Variants in SHROOM4 observed in about 807,000 individuals in gnomAD.
SHROOM4 encodes protein Shroom4.
SHROOM4 carries 17 observed loss-of-function variants against 80.3 expected under a neutral mutation model. The observed-to-expected ratio is 0.21, with a 90% CI of 0.14 to 0.32. SHROOM4 has a LOEUF of 0.32. Among genes scored for constraint, SHROOM4 ranks in the 10% least tolerant of loss-of-function variants. The probability of loss-of-function intolerance (pLI) is 1.00; values close to 1 mark genes in which losing one functional copy is unlikely to be tolerated. For missense variants in SHROOM4, 993 were observed against 1,140.3 expected (o/e 0.87, Z 1.86); for synonymous variants, 400 against 437.5 (o/e 0.91, Z 1.07).
At chrX:50,645,235 C>T (rs1372824199) in intron 2 of SHROOM4, among the ~76,000 whole-genome samples, 1 of 111,858 alleles carries the variant, frequency 8.9e-6, no homozygotes, top group African/African-American at 3.3e-5. Flanking sequence ...TTCTGAGTGG[C>T]AATATACCAG....
chrX:50,697,636 G>A (rs1230063940), intron 1 of SHROOM4, among the ~76,000 whole-genome samples: 1 of 111,740 alleles, frequency 8.9e-6, no homozygotes, highest in Non-Finnish European at 1.9e-5. Flanking sequence ...AAGTGACATT[G>A]AATATATATG....
At chrX:50,804,555 T>G (rs1936189074) in intron 1 of SHROOM4, among the ~76,000 whole-genome samples, 1 of 111,998 alleles carries the variant, frequency 8.9e-6, no homozygotes. Context: ...AGAAAGAGCA[T>G]GGGATTTGAA....
At chrX:50,787,777 A>T (rs1935774771) in intron 1 of SHROOM4, among the ~76,000 whole-genome samples, 1 of 109,002 alleles carries the variant, frequency 9.2e-6, no homozygotes, top group African/African-American at 3.3e-5. Context: ...AAAAGAAAAA[A>T]AAAAAACCCA....
At chrX:50,647,531 G>C (rs782690743) in intron 2 of SHROOM4, among the ~76,000 whole-genome samples, 1 of 111,705 alleles carries the variant, frequency 9.0e-6, no homozygotes, top group African/African-American at 3.3e-5. Flanking sequence ...GAAGGTGGAG[G>C]ATGTTTGTCC....
At chrX:50,797,544 A>G (rs1335341396) in intron 1 of SHROOM4, among the ~76,000 whole-genome samples, 1 of 112,121 alleles carries the variant, frequency 8.9e-6, no homozygotes, top group African/African-American at 3.2e-5. Flanking sequence ...GGTAGTGGTG[A>G]AACTGGACAG....
chrX:50,800,232 G>A (rs1483246218), intron 1 of SHROOM4, among the ~76,000 whole-genome samples: 4 of 112,281 alleles, frequency 3.6e-5, no homozygotes, highest in African/African-American at 9.7e-5. Flanking sequence ...ATTTAGGCTT[G>A]GAAGTGGAAA....
intron 1 of SHROOM4, among the ~76,000 whole-genome samples, chrX:50,713,447 A>C (rs370817158): frequency 2.7e-5 from 3 of 109,559 alleles, no homozygotes; most frequent in East Asian, 5.8e-4. Context: ...CCTGGGCAAC[A>C]TAGGGAGGCC....
At chrX:50,623,252 A>G (rs1930651070) in intron 5 of SHROOM4, among the ~76,000 whole-genome samples, 1 of 111,183 alleles carries the variant, frequency 9.0e-6, no homozygotes, top group Non-Finnish European at 1.9e-5. Context: ...CAGTATCACA[A>G]TCTTGGCTCA....
intron 1 of SHROOM4, among the ~76,000 whole-genome samples, chrX:50,754,946 GGCA>G (rs1935006842): frequency 8.9e-6 from 1 of 112,254 alleles, no homozygotes; most frequent in Non-Finnish European, 1.9e-5. Context: ...TGTGACTTCA[GGCA>G]GATCATTTTA....
intron 1 of SHROOM4, among the ~76,000 whole-genome samples, chrX:50,763,452 A>G (rs1346342487): frequency 9.0e-6 from 1 of 110,837 alleles, no homozygotes; most frequent in East Asian, 2.8e-4. Context: ...TGCATGTTTC[A>G]TAATTGTTTG....
intron 2 of SHROOM4, among the ~76,000 whole-genome samples, chrX:50,652,027 G>T (rs61627869): frequency 0.042 from 4,656 of 111,549 alleles, 253 homozygotes; most frequent in African/African-American, 0.14. Context: ...ATTGTCAGTA[G>T]TGCTACAATA....
the SHROOM4 span, among the ~76,000 whole-genome samples, chrX:50,581,453 A>G: frequency 9.0e-6 from 1 of 111,524 alleles, no homozygotes; most frequent in Admixed American, 9.6e-5. Flanking sequence ...ACTGACACAG[A>G]TATTTTGCCT....
chrX:50,803,723 C>T (rs1191792093), intron 1 of SHROOM4, among the ~76,000 whole-genome samples: 1 of 112,310 alleles, frequency 8.9e-6, no homozygotes, highest in African/African-American at 3.2e-5. Flanking sequence ...AGCTCTTCAA[C>T]AAAACTGTCA....
At chrX:50,645,899 A>G (rs1308540168) in intron 2 of SHROOM4, among the ~76,000 whole-genome samples, 1 of 111,380 alleles carries the variant, frequency 9.0e-6, no homozygotes, top group African/African-American at 3.3e-5. Context: ...GAGGCCTTAT[A>G]AAGGCTCTTG....
intron 1 of SHROOM4, among the ~76,000 whole-genome samples, chrX:50,732,983 T>C (rs1557266423): frequency 8.9e-6 from 1 of 112,314 alleles, no homozygotes; most frequent in African/African-American, 3.2e-5. Context: ...TATACAACAA[T>C]GTCTTATTTA....
chrX:50,719,044 T>C (rs1367443597), intron 1 of SHROOM4, among the ~76,000 whole-genome samples: 1 of 112,035 alleles, frequency 8.9e-6, no homozygotes, highest in Non-Finnish European at 1.9e-5. Context: ...GTGGCTACAG[T>C]ATAAACTCTG....
chrX:50,747,510 TA>T (rs782284433), intron 1 of SHROOM4, among the ~76,000 whole-genome samples: 1 of 111,513 alleles, frequency 9.0e-6, no homozygotes, highest in East Asian at 2.8e-4. Flanking sequence ...CTTGTAATAT[TA>T]AAAAAAAGTT....
intron 1 of SHROOM4, among the ~76,000 whole-genome samples, chrX:50,779,176 T>G (rs1231812862): frequency 8.9e-6 from 1 of 112,237 alleles, no homozygotes; most frequent in African/African-American, 3.2e-5. Flanking sequence ...TATTGAATTC[T>G]CACAACTCCT....
At chrX:50,809,506 C>T (rs1233207241) in intron 1 of SHROOM4, among the ~76,000 whole-genome samples, 3 of 112,667 alleles carry the variant, frequency 2.7e-5, no homozygotes, top group Admixed American at 1.9e-4. Context: ...ATTGTCTCAT[C>T]ATCTGTGATA....
Sources: allele counts gnomAD v4.1 joint callset (sites outside exome capture counted in the v4.1 genomes callset), GRCh38; gene constraint gnomAD v4.1.1; transcripts MANE v1.5; gene names NCBI Gene and HGNC (gene_info 2026-07-23, HGNC 2026-07-21).